Variants in CHST9 observed in about 807,000 individuals in gnomAD.
CHST9 encodes the protein carbohydrate sulfotransferase 9.
In CHST9, 41 loss-of-function variants were observed where a neutral mutation model predicts 44.4. The observed-to-expected ratio is 0.92, with a 90% confidence interval of 0.72 to 1.20. The LOEUF is 1.20. Among genes scored for constraint, CHST9 ranks in the 50% most tolerant of loss-of-function variants. The probability of loss-of-function intolerance (pLI) is 0.00; values close to 1 mark genes in which losing one functional copy is unlikely to be tolerated. For missense variants in CHST9, 504 were observed against 516.5 expected (o/e 0.98, Z 0.23); for synonymous variants, 171 against 178.4 (o/e 0.96, Z 0.33).
rs183553529 is a variant in CHST9, at chr18:26,909,860, A to G, written c.*6399T>C. On this transcript the variant is annotated 3_prime_UTR_variant, in exon 6 of 6. Coordinates refer to ENST00000618847, the MANE Select transcript of CHST9 (RefSeq NM_031422.6). ...AAGAAGCAAGAGAGTAGAATGTTACAGGGGGTGCTACAATCACCCAGATAA... is the reference window on the plus strand; with the variant it reads ...AAGAAGCAAGAGAGTAGAATGTTACGGGGGGTGCTACAATCACCCAGATAA... 372 of 152,400 alleles carry G rather than the reference A, an allele frequency of 2.4e-3. 1 individual carries two copies. Among genetic ancestry groups the G allele is most frequent in the Middle Eastern group, 9.3e-3 (3 of 322 alleles). 9.4% of individuals were successfully genotyped at this position (152,400 alleles called of 1,614,324 possible).
chr18:26,991,115 C>T (rs148980779), intron 4 of CHST9, among the ~76,000 whole-genome samples: 2 of 152,162 alleles, frequency 1.3e-5, no homozygotes, highest in Non-Finnish European at 2.9e-5. Flanking sequence ...TGAGATTAGA[C>T]GGTGGTGAGT....
At chr18:27,122,961 G>A (rs187313926) in intron 2 of CHST9, among the ~76,000 whole-genome samples, 4 of 152,194 alleles carry the variant, frequency 2.6e-5, no homozygotes, top group African/African-American at 9.7e-5. Context: ...TAGGTGAGGA[G>A]ACGCATCTGT....
chr18:27,184,033 T>C (rs892702046), intron 1 of CHST9, among the ~76,000 whole-genome samples: 3 of 152,126 alleles, frequency 2.0e-5, no homozygotes, highest in African/African-American at 7.2e-5. Context: ...TGTACAAAGA[T>C]AGATTAATGC....
intron 2 of CHST9, among the ~76,000 whole-genome samples, chr18:27,141,474 C>A (rs540236082): frequency 6.6e-6 from 1 of 151,162 alleles, no homozygotes; most frequent in Non-Finnish European, 1.5e-5. Context: ...GCCTGTAGAC[C>A]CAGCTACTTG....
At chr18:27,106,471 G>A (rs2058222513) in intron 2 of CHST9, among the ~76,000 whole-genome samples, 1 of 152,104 alleles carries the variant, frequency 6.6e-6, no homozygotes, top group Non-Finnish European at 1.5e-5. Flanking sequence ...TGTAATTGTT[G>A]TCTTAGCAAC....
intron 3 of CHST9, among the ~76,000 whole-genome samples, chr18:27,029,561 C>G (rs1261692993): frequency 6.6e-6 from 1 of 151,964 alleles, no homozygotes; most frequent in Admixed American, 6.6e-5. Context: ...TCTGGGGCAC[C>G]CTGCAAACAC....
At chr18:26,946,679 T>C (rs2056167786) in intron 4 of CHST9, among the ~76,000 whole-genome samples, 2 of 152,356 alleles carry the variant, frequency 1.3e-5, no homozygotes, top group South Asian at 4.1e-4. Context: ...TTAATCCATC[T>C]TGAGTTAATT....
chr18:27,162,559 A>G (rs2058756022), intron 1 of CHST9, among the ~76,000 whole-genome samples: 1 of 151,924 alleles, frequency 6.6e-6, no homozygotes, highest in Non-Finnish European at 1.5e-5. Context: ...CTTCATTTCA[A>G]CTTTGGTGAA....
chr18:26,946,879 A>G (rs2056171550), intron 4 of CHST9, among the ~76,000 whole-genome samples: 1 of 151,482 alleles, frequency 6.6e-6, no homozygotes, highest in South Asian at 2.1e-4. Flanking sequence ...TGGTCTATAT[A>G]TCTGTTTTGG....
At chr18:27,015,323 TTGTGTG>T (rs10690815) in intron 4 of CHST9, among the ~76,000 whole-genome samples, 2,818 of 146,442 alleles carry the variant, frequency 0.019, 52 homozygotes, top group African/African-American at 0.038. Context: ...AGAGAGGCAG[TTGTGTG>T]TGTGTGTGTG....
intron 2 of CHST9, among the ~76,000 whole-genome samples, chr18:27,106,993 C>T (rs770726219): frequency 6.6e-6 from 1 of 152,084 alleles, no homozygotes. Flanking sequence ...AATCTGTGAC[C>T]GACATAGCTT....
At chr18:26,933,712 T>C (rs1240740792) in intron 5 of CHST9, 1 of 153,714 alleles carries the variant, frequency 6.5e-6, no homozygotes, top group African/African-American at 2.4e-5. Context: ...GTGTTGGGGC[T>C]AGGGGGCAAA....
chr18:27,162,800 C>T (rs561717306), intron 1 of CHST9, among the ~76,000 whole-genome samples: 2 of 152,348 alleles, frequency 1.3e-5, no homozygotes, highest in African/African-American at 4.8e-5. Context: ...CTGAAGCCTT[C>T]TTCTCTCAAG....
intron 2 of CHST9, among the ~76,000 whole-genome samples, chr18:27,088,426 C>T (rs976102720): frequency 1.4e-5 from 2 of 146,900 alleles, no homozygotes; most frequent in African/African-American, 5.0e-5. Context: ...GATGGAGTCT[C>T]GCTCTGTCGG....
At chr18:26,934,339 A>G (rs1397495860) in intron 5 of CHST9, 2 of 149,104 alleles carry the variant, frequency 1.3e-5, no homozygotes, top group Non-Finnish European at 3.0e-5. Flanking sequence ...GGTTCACGCC[A>G]TTCTCCTGCC....
At chr18:27,155,815 G>T (rs1279645852) in intron 1 of CHST9, among the ~76,000 whole-genome samples, 2 of 152,134 alleles carry the variant, frequency 1.3e-5, no homozygotes, top group South Asian at 2.1e-4. Flanking sequence ...AATAATCCAA[G>T]CATGATTAAA....
At chr18:27,144,529 G>T (rs2143876086) in intron 1 of CHST9, among the ~76,000 whole-genome samples, 1 of 151,958 alleles carries the variant, frequency 6.6e-6, no homozygotes, top group East Asian at 1.9e-4. Context: ...AAATAAAATA[G>T]ATTTTAAAAT....
At chr18:26,992,400 C>A (rs1445579512) in intron 4 of CHST9, among the ~76,000 whole-genome samples, 1 of 151,982 alleles carries the variant, frequency 6.6e-6, no homozygotes, top group Non-Finnish European at 1.5e-5. Context: ...CACTGAAGCT[C>A]CTGAGCCTAG....
chr18:26,966,966 T>A (rs1242680625), intron 4 of CHST9, among the ~76,000 whole-genome samples: 3 of 151,494 alleles, frequency 2.0e-5, no homozygotes, highest in African/African-American at 7.3e-5. Flanking sequence ...TTGGTAGATA[T>A]CTCGGGTTGG....
Sources: gnomAD v4.1 joint callset for allele counts (sites outside exome capture counted in the v4.1 genomes callset) on GRCh38, gnomAD v4.1.1 for gene constraint, MANE v1.5 for transcripts, NCBI Gene and HGNC (gene_info 2026-07-23, HGNC 2026-07-21) for gene names.